SLC39A14: variants seen among roughly 807,000 people sequenced by gnomAD.
SLC39A14 encodes the protein metal cation symporter ZIP14.
A neutral mutation model predicts 45.5 loss-of-function variants in SLC39A14; 19 were observed. The ratio of observed to expected loss-of-function variants is 0.42; its 90% CI spans 0.29 to 0.61. The LOEUF is 0.61. SLC39A14 is among the 20% of genes least tolerant of loss of function. The pLI is 0.22. For synonymous variants in SLC39A14, 264 were observed against 251.3 expected, an observed-to-expected ratio of 1.05 and a Z score of -0.48; for missense variants, 447 against 616.5, an observed-to-expected ratio of 0.73 and a Z score of 2.91.
rs1836175286 is a variant in SLC39A14, at chr8:22,420,676, G to A, written c.*978G>A. The A allele has an allele frequency of 1.2e-5, 12 of 985,380 alleles. No homozygotes were observed. Among genetic ancestry groups the A allele is most frequent in the Non-Finnish European group, 1.4e-5 (12 of 829,912 alleles). The allele number at this position is 985,380 out of a possible 1,614,324, so 61.0% of individuals were successfully genotyped here. A position where few individuals can be genotyped will look rare whatever the true frequency, so the allele number is the denominator to read the frequency against. ...GCAAGCTGACTTGTAGAAATGGGGT[G>A]CCATTTATGCTCTACTTAGACAAGG... On this transcript the variant is annotated 3_prime_UTR_variant, in exon 9 of 9. Transcript: ENST00000381237.
At chr8:22,387,728 G>C (rs1053957984) in intron 1 of SLC39A14, among the ~76,000 whole-genome samples, 1 of 152,192 alleles carries the variant, frequency 6.6e-6, no homozygotes, top group Admixed American at 6.5e-5. Context: ...TTGTGTGTGT[G>C]CCCTAGGCAG....
In SLC39A14 at chr8:22,371,747, C is replaced by CTT. The variant is rs1257184691; in HGVS notation, c.-16+4353_-16+4354dup. Among the ~76,000 whole-genome samples, 19 of 113,254 alleles carry CTT rather than the reference C, an allele frequency of 1.7e-4. No individual in the cohort carries two copies. In the East Asian group the frequency reaches 1.9e-3, roughly 11 times the overall value. The allele number at this position is 113,254 out of a possible 152,430, so 74.3% of individuals were successfully genotyped here. The stretch of plus-strand genomic sequence containing the variant: ...TGCCCAGCCAAATCATATCTTTTAT[C>CTT]TTTTTTTTTTTTTTTGAGACGGAGC... On this transcript the variant is annotated intron_variant, in intron 1 of 8. Coordinates refer to ENST00000381237, the MANE Select transcript of SLC39A14 (RefSeq NM_001128431.4).
intron 1 of SLC39A14, 24 bp from the exon 2 acceptor site, chr8:22,404,672 T>A: frequency 6.3e-7 from 1 of 1,595,882 alleles, no homozygotes; most frequent in Non-Finnish European, 8.5e-7. Flanking sequence ...AGGCCTCAGC[T>A]TCACCTGCCT....
chr8:22,391,412 A>G (rs1834064000), intron 1 of SLC39A14, among the ~76,000 whole-genome samples: 1 of 152,132 alleles, frequency 6.6e-6, no homozygotes, highest in Non-Finnish European at 1.5e-5. Context: ...CTTTTAGTTC[A>G]ATTAATGTAA....
At position 22,402,261 on chromosome 8, in the gene SLC39A14, T is replaced by A. The variant is rs368818395; in HGVS notation, c.-15-2435T>A. Among the ~76,000 whole-genome samples, 43 of 152,232 alleles carry A rather than the reference T, an allele frequency of 2.8e-4. 3 individuals carry two copies. The highest frequency in any genetic ancestry group is 1.7e-3 in the Admixed American group (26 of 15,282). On this transcript the variant is annotated intron_variant, in intron 1 of 8. Coordinates refer to ENST00000381237, the MANE Select transcript of SLC39A14 (RefSeq NM_001128431.4). Reference sequence around the variant, plus strand: ...TTAGCCGGGCGTGGTGGCAGGTGCCTGTAGTCCCAGCTACTTGGGAGGCTG... The same window carrying A: ...TTAGCCGGGCGTGGTGGCAGGTGCCAGTAGTCCCAGCTACTTGGGAGGCTG...
At chr8:22,391,205 TC>T (rs1256817380) in intron 1 of SLC39A14, among the ~76,000 whole-genome samples, 2 of 152,158 alleles carry the variant, frequency 1.3e-5, no homozygotes, top group African/African-American at 4.8e-5. Context: ...GATCTATACA[TC>T]CCCCTTGTCA....
At chr8:22,384,793 T>C (rs1325517915) in intron 1 of SLC39A14, among the ~76,000 whole-genome samples, 1 of 144,106 alleles carries the variant, frequency 6.9e-6, no homozygotes, top group Non-Finnish European at 1.5e-5. Context: ...CTCATGCCTG[T>C]AATCCCAGCA....
chr8:22,389,293 C>T (rs1351510141), intron 1 of SLC39A14, among the ~76,000 whole-genome samples: 1 of 152,210 alleles, frequency 6.6e-6, no homozygotes, highest in Non-Finnish European at 1.5e-5. Flanking sequence ...TGCTGCTGTT[C>T]CAGCAACCGC....
At chr8:22,410,139 C>A in intron 3 of SLC39A14, 11 of 1,613,304 alleles carry the variant, frequency 6.8e-6, no homozygotes, top group Non-Finnish European at 9.3e-6. Flanking sequence ...GAAACTTGCG[C>A]GTCCTCTTTC....
rs140648900 is a variant in SLC39A14 at position 22,415,904 on chromosome 8, G to T, written c.886G>T (p.Gly296Cys). 4 of 1,610,628 alleles carry T rather than the reference G, an allele frequency of 2.5e-6. No individual in the cohort carries two copies. Among genetic ancestry groups the T allele is most frequent in the Non-Finnish European group, 2.5e-6 (3 of 1,178,416 alleles). ...TCAGCACTGCAGCAGTGAGCTGGAC[G>T]GCAAGGCGCCCATGGTGGACGAGAA... ...IPQHCSSELD[G>C]KAPMVDEKVI... The change falls in exon 6 of 9, where the codon GGC becomes TGC. Residue 296 changes from glycine to cysteine, a missense_variant. Gly to Cys is a radical substitution (Grantham distance 159). This residue lies in a region of SLC39A14 where 342 missense variants were observed against 428.1 expected (regional missense o/e 0.80). Coordinates refer to ENST00000381237, the MANE Select transcript of SLC39A14 (RefSeq NM_001128431.4).
intron 1 of SLC39A14, among the ~76,000 whole-genome samples, chr8:22,368,597 C>A (rs969353778): frequency 1.3e-5 from 2 of 151,926 alleles, no homozygotes; most frequent in African/African-American, 4.8e-5. Flanking sequence ...AGTGCAGTGG[C>A]GCGATCTCGG....
rs1001582759 is a variant in SLC39A14, at chr8:22,422,572, T to A, written c.*2874T>A. The stretch of plus-strand genomic sequence containing the variant: ...CTGCAGTTCCATCACAGTATTTTTT[T>A]AAATAACTCAGGTGTATGAGAAGAA... On this transcript the variant is annotated 3_prime_UTR_variant, in exon 9 of 9. Transcript: ENST00000381237. 8 of 984,942 alleles carry A rather than the reference T, an allele frequency of 8.1e-6. No homozygotes were observed. Among genetic ancestry groups the A allele is most frequent in the Admixed American group, 1.2e-4 (2 of 16,258 alleles). The allele number at this position is 984,942 out of a possible 1,614,324, so 61.0% of individuals were successfully genotyped here.
At chr8:22,432,853 ATGT>A (rs1836489881) in intron 8 of SLC39A14, among the ~76,000 whole-genome samples, 1 of 131,006 alleles carries the variant, frequency 7.6e-6, no homozygotes, top group Non-Finnish European at 1.6e-5. Context: ...GGGTTTTACC[ATGT>A]TGGACAGGTT....
At chr8:22,379,059 T>G (rs1833360787) in intron 1 of SLC39A14, among the ~76,000 whole-genome samples, 1 of 152,206 alleles carries the variant, frequency 6.6e-6, no homozygotes, top group Non-Finnish European at 1.5e-5. Context: ...TTTTCCCAGC[T>G]TTTGGTGGCT....
At position 22,419,126 on chromosome 8, in the gene SLC39A14, C is replaced by G. The variant is rs572891566; in HGVS notation, c.1333-426C>G. Among the ~76,000 whole-genome samples the G allele has an allele frequency of 1.9e-4, 29 of 152,306 alleles. 1 individual carries two copies. The highest frequency in any genetic ancestry group is 6.7e-4 in the African/African-American group (28 of 41,564). On this transcript the variant is annotated intron_variant, in intron 8 of 8. Transcript: ENST00000381237. ...TCCAGAGCCACATACACGTTGAGTA[C>G]TTTGTTTTACCTAGACAGTTGTAAA...
intron 4 of SLC39A14, among the ~76,000 whole-genome samples, chr8:22,413,250 C>G (rs1019212812): frequency 1.3e-5 from 2 of 152,172 alleles, no homozygotes; most frequent in African/African-American, 4.8e-5. Flanking sequence ...GCGCCTCTTA[C>G]AACACTTGGT....
At chr8:22,383,418 C>T (rs951791313) in intron 1 of SLC39A14, among the ~76,000 whole-genome samples, 21 of 152,110 alleles carry the variant, frequency 1.4e-4, no homozygotes, top group Admixed American at 4.6e-4. Context: ...TATATTGTTT[C>T]ACTTATTTTA....
chr8:22,400,225 C>A (rs1834778199), intron 1 of SLC39A14, among the ~76,000 whole-genome samples: 1 of 152,200 alleles, frequency 6.6e-6, no homozygotes, highest in South Asian at 2.1e-4. Flanking sequence ...CAAAGCAATT[C>A]AGCTTCTGGC....
At chr8:22,369,460 G>T (rs1377642300) in intron 1 of SLC39A14, among the ~76,000 whole-genome samples, 1 of 152,210 alleles carries the variant, frequency 6.6e-6, no homozygotes, top group East Asian at 1.9e-4. Context: ...GATGTACATT[G>T]CCTGGTCTGT....
Sources: gnomAD v4.1 joint callset for allele counts (sites outside exome capture counted in the v4.1 genomes callset) on GRCh38, gnomAD v4.1.1 for gene constraint, gnomAD v4.1.1 regional missense constraint, MANE v1.5 for transcripts, NCBI Gene and HGNC (gene_info 2026-07-23, HGNC 2026-07-21) for gene names.